The following ALDH1A2 variants were observed in gnomAD, a reference collection of about 807,000 sequenced individuals.
ALDH1A2 encodes the protein retinal dehydrogenase 2.
A neutral mutation model predicts 60.3 loss-of-function variants in ALDH1A2; 27 were observed. That is an observed-to-expected ratio of 0.45 (90% CI 0.33 to 0.62). ALDH1A2 has a LOEUF of 0.62. ALDH1A2 is among the 20% of genes least tolerant of loss of function. ALDH1A2 has a pLI of 0.02. For synonymous variants in ALDH1A2, 289 were observed against 232.4 expected (o/e 1.24, Z -2.21); for missense variants, 581 against 643.8 (o/e 0.90, Z 1.06).
In ALDH1A2 at chr15:57,962,087, C is replaced by T; in HGVS notation, c.1176G>A (p.Leu392=). Reference sequence around the variant, plus strand: ...GCTCAATGAAAAACCCCTTTCGGCCCAGTCCTTTGCCTCCACATTCCAGCT... The same window carrying T: ...GCTCAATGAAAAACCCCTTTCGGCCTAGTCCTTTGCCTCCACATTCCAGCT... ...GAKLECGGKG[L]GRKGFFIEPT... is the part of the protein sequence containing the mutation. The change falls in exon 10 of 13, where the codon CTG becomes CTA. Residue 392 remains leucine, a synonymous_variant. Transcript: ENST00000249750. 1 of 1,614,190 alleles carries T rather than the reference C, an allele frequency of 6.2e-7. No homozygotes were observed. Among genetic ancestry groups the T allele is most frequent in the Non-Finnish European group, 8.5e-7 (1 of 1,180,028 alleles).
rs879500544 is a variant in ALDH1A2 at position 58,061,595 on chromosome 15, C to CAAAAAAAAAAAAAAA, written c.117+3938_117+3939insTTTTTTTTTTTTTTT. Among the ~76,000 whole-genome samples, 41 of 43,278 alleles carry CAAAAAAAAAAAAAAA rather than the reference C, an allele frequency of 9.5e-4. 1 individual carries two copies. The highest frequency in any genetic ancestry group is 1.4e-3 in the Non-Finnish European group (28 of 20,146). The allele number at this position is 43,278 out of a possible 152,430, so 28.4% of individuals were successfully genotyped here. On this transcript the variant is annotated intron_variant, in intron 1 of 12. Coordinates refer to ENST00000249750, the MANE Select transcript of ALDH1A2 (RefSeq NM_003888.4). ...ATATAAAGATTTAAACTCCTTCCCT[C>CAAAAAAAAAAAAAAA]AAAAAAAAAAAAAACAAAAAAAAAA...
chr15:58,042,896 T>C (rs145583457), intron 1 of ALDH1A2, among the ~76,000 whole-genome samples: 38 of 152,052 alleles, frequency 2.5e-4, no homozygotes, highest in Admixed American at 1.3e-3. Flanking sequence ...AAAGGCCAAA[T>C]TGAATTGCAG....
intron 1 of ALDH1A2, among the ~76,000 whole-genome samples, chr15:58,030,028 A>C (rs1369976729): frequency 6.6e-6 from 1 of 152,244 alleles, no homozygotes; most frequent in African/African-American, 2.4e-5. Flanking sequence ...AATCCTCCCT[A>C]ACTCATTTTA....
intron 4 of ALDH1A2, 24 bp downstream of exon 4, chr15:58,010,625 T>C (rs1320851714): frequency 6.2e-7 from 1 of 1,611,264 alleles, no homozygotes; most frequent in Admixed American, 1.7e-5. Context: ...GTTTTCCTTT[T>C]CAACGTACTC....
chr15:57,963,552 C>T (rs1467544177), intron 9 of ALDH1A2, among the ~76,000 whole-genome samples: 6 of 151,844 alleles, frequency 4.0e-5, no homozygotes, highest in Non-Finnish European at 7.4e-5. Context: ...ACCATATTAG[C>T]CAGGATGGTC....
chr15:58,002,120 T>C (rs1288903255), intron 4 of ALDH1A2, among the ~76,000 whole-genome samples: 9 of 151,912 alleles, frequency 5.9e-5, no homozygotes, highest in African/African-American at 2.2e-4. Context: ...GTGCTTTTAA[T>C]GACCAAATAG....
At chr15:57,966,427 A>C (rs1327178865) in intron 7 of ALDH1A2, among the ~76,000 whole-genome samples, 1 of 152,220 alleles carries the variant, frequency 6.6e-6, no homozygotes, top group African/African-American at 2.4e-5. Flanking sequence ...AGTTAGGAGA[A>C]AGCACTTGCC....
At position 57,981,498 on chromosome 15, in the gene ALDH1A2, T is replaced by C. The variant is rs112303734; in HGVS notation, c.798+11207A>G. On this transcript the variant is annotated intron_variant, in intron 7 of 12. Coordinates refer to ENST00000249750, the MANE Select transcript of ALDH1A2 (RefSeq NM_003888.4). ...GATTCACCTAATAGTTACTGAATTC[T>C]TACTATATGCCAAGCAATATGCTTG... Among the ~76,000 whole-genome samples, 78 of 152,232 alleles carry C rather than the reference T, an allele frequency of 5.1e-4. 2 individuals carry two copies. The highest frequency in any genetic ancestry group is 1.2e-4 in the Non-Finnish European group (8 of 68,040).
intron 1 of ALDH1A2, among the ~76,000 whole-genome samples, chr15:58,026,139 C>T (rs924381612): frequency 3.9e-5 from 6 of 152,140 alleles, no homozygotes; most frequent in Non-Finnish European, 7.4e-5. Context: ...AAGAAAACTA[C>T]AAGCCAATAT....
chr15:57,978,435 T>C (rs1894353231), intron 7 of ALDH1A2, among the ~76,000 whole-genome samples: 2 of 152,242 alleles, frequency 1.3e-5, no homozygotes, highest in Non-Finnish European at 2.9e-5. Context: ...CTGTATCTGC[T>C]GAGATAATCA....
chr15:58,053,698 C>T (rs527517493), intron 1 of ALDH1A2, among the ~76,000 whole-genome samples: 1 of 152,058 alleles, frequency 6.6e-6, no homozygotes, highest in Non-Finnish European at 1.5e-5. Flanking sequence ...GGTAATGATA[C>T]CAGAATGTGG....
chr15:57,961,329 C>A lies in ALDH1A2; in HGVS notation c.1252-35G>T, dbSNP rs1394912924. The A allele has an allele frequency of 3.7e-6, 6 of 1,609,052 alleles. No individual in the cohort carries two copies. In the African/African-American group the frequency reaches 8.0e-5, roughly 21 times the overall value. On this transcript the variant is annotated intron_variant, in intron 10 of 12. Transcript: ENST00000249750. ...GATAATATGACTCAACATGGTTGCT[C>A]TGTCATTCCTTTACCTGCTTTCCAC...
Position 58,014,203 on chromosome 15 carries a change from C to A in ALDH1A2, c.196G>T (p.Val66Leu), listed in dbSNP as rs1377673621. The change falls in exon 2 of 13, where the codon GTG (valine) becomes TTG (leucine). Residue 66 changes from valine (V) to leucine (L), a missense_variant. Around this residue, in one of 2 missense-constraint regions of ALDH1A2, gnomAD observed 206 missense variants for 174.1 expected, o/e 1.18. Coordinates refer to ENST00000249750, the MANE Select transcript of ALDH1A2 (RefSeq NM_003888.4). ...PVYNPATGEQ[V>L]CEVQEADKAD... ...TTGTCTGCTTCTTGAACTTCACACA[C>A]CTGTTCTCCTGTGGCTGGATTATAG... 1.2e-6 allele frequency: 2 copies of A among 1,614,104 alleles called. No homozygotes were observed. The highest frequency in any genetic ancestry group is 4.5e-5 in the East Asian group (2 of 44,884).
intron 7 of ALDH1A2, 127 bp from the exon 8 acceptor site, chr15:57,965,954 CTT>C: frequency 1.4e-6 from 1 of 731,736 alleles, no homozygotes; most frequent in Non-Finnish European, 2.5e-6. Context: ...CAACCCAGCT[CTT>C]GTCATCAGCT....
chr15:57,977,522 A>C (rs1894305094), intron 7 of ALDH1A2, among the ~76,000 whole-genome samples: 2 of 152,198 alleles, frequency 1.3e-5, no homozygotes, highest in Admixed American at 6.5e-5. Context: ...AGATGGTTGT[A>C]GATGTATGGT....
chr15:57,992,594 T>A, intron 7 of ALDH1A2, 111 bp downstream of exon 7: 2 of 963,848 alleles, frequency 2.1e-6, no homozygotes, highest in Non-Finnish European at 1.6e-6. Context: ...TGGGCTTGGG[T>A]ACTCACTGCC....
rs1361923711 is a variant in ALDH1A2, at chr15:58,004,067, T to C, written c.493+6582A>G. Among the ~76,000 whole-genome samples the C allele has an allele frequency of 4.0e-5, 6 of 151,784 alleles. No individual in the cohort carries two copies. The East Asian group carries it at 1.2e-3, about 29-fold the overall frequency. On this transcript the variant is annotated intron_variant, in intron 4 of 12. Coordinates refer to ENST00000249750, the MANE Select transcript of ALDH1A2 (RefSeq NM_003888.4). ...ACAGAATGAAGAGTGGTGGGAGAAA[T>C]TTCCAATTCAGAGAGAGAAGCAGCC...
chr15:58,045,923 G>A (rs573580210), intron 1 of ALDH1A2, among the ~76,000 whole-genome samples: 2 of 151,978 alleles, frequency 1.3e-5, no homozygotes, highest in African/African-American at 4.8e-5. Flanking sequence ...CTTTATTAGA[G>A]ACACTCCACA....
At chr15:58,035,769 T>G (rs1231311473) in intron 1 of ALDH1A2, among the ~76,000 whole-genome samples, 1 of 151,770 alleles carries the variant, frequency 6.6e-6, no homozygotes, top group Non-Finnish European at 1.5e-5. Context: ...GAGAATATCT[T>G]TTTTGCATAA....
Sources: allele counts gnomAD v4.1 joint callset (sites outside exome capture counted in the v4.1 genomes callset), GRCh38; gene constraint gnomAD v4.1.1; regional missense constraint gnomAD v4.1.1; transcripts MANE v1.5; gene names NCBI Gene and HGNC (gene_info 2026-07-23, HGNC 2026-07-21).